DZIP1L: variants seen among roughly 807,000 people sequenced by gnomAD.
DZIP1L encodes the protein cilium assembly protein DZIP1L.
A neutral mutation model predicts 88.7 loss-of-function variants in DZIP1L; 90 were observed. The observed-to-expected ratio is 1.02, with a 90% CI of 0.86 to 1.21. DZIP1L has a LOEUF of 1.21. DZIP1L is among the 50% of genes most tolerant of loss of function. The pLI is 0.00. For missense variants in DZIP1L, 932 were observed against 955.8 expected (o/e 0.98, Z 0.33); for synonymous variants, 363 against 372.1 (o/e 0.98, Z 0.28).
chr3:138,106,127 C>CTTTTT lies in DZIP1L; in HGVS notation c.-81-2080_-81-2076dup, dbSNP rs56146259. Among the ~76,000 whole-genome samples the CTTTTT allele has an allele frequency of 2.9e-3, 187 of 64,556 alleles. 2 individuals are homozygous for CTTTTT. The highest frequency in any genetic ancestry group is 3.9e-3 in the Non-Finnish European group (139 of 35,956). The allele number at this position is 64,556 out of a possible 152,430, so 42.4% of individuals were successfully genotyped here. A position where few individuals can be genotyped will look rare whatever the true frequency, so the allele number is the denominator to read the frequency against. ...GAGATTACATGATTCAGTCTTCTTT[C>CTTTTT]TTTTTTTTTTTTTTTTTTTTTTTTT... On this transcript the variant is annotated intron_variant, in intron 1 of 15. Transcript: ENST00000327532.
intron 1 of DZIP1L, among the ~76,000 whole-genome samples, chr3:138,110,475 AAAATAAAT>A: frequency 6.6e-6 from 1 of 152,254 alleles, no homozygotes; most frequent in African/African-American, 2.4e-5. Context: ...TTCCCACAAT[AAAATAAAT>A]AAATAAATAA....
chr3:138,068,623 T>A (rs11921619), intron 12 of DZIP1L, among the ~76,000 whole-genome samples: 9,118 of 152,172 alleles, frequency 0.06, 931 homozygotes, highest in African/African-American at 0.21. Flanking sequence ...TTGTCATTAC[T>A]GAAGACCAGC....
At chr3:138,100,030 C>G (rs934415648) in intron 2 of DZIP1L, among the ~76,000 whole-genome samples, 2 of 144,202 alleles carry the variant, frequency 1.4e-5, no homozygotes, top group African/African-American at 5.1e-5. Context: ...AACCCCCATC[C>G]TTTTTTTTTT....
At chr3:138,111,851 TG>T (rs2042625500) in intron 1 of DZIP1L, among the ~76,000 whole-genome samples, 1 of 151,866 alleles carries the variant, frequency 6.6e-6, no homozygotes, top group African/African-American at 2.4e-5. Flanking sequence ...AAAAATTAGC[TG>T]GGCATGGTGG....
intron 2 of DZIP1L, chr3:138,102,526 G>A (rs329381): frequency 0.68 from 915,799 of 1,350,054 alleles, 315,179 homozygotes; most frequent in Non-Finnish European, 0.71. Flanking sequence ...ACTCTGAGCC[G>A]TCTTCTGCTG....
chr3:138,077,621 A>T lies in DZIP1L; in HGVS notation c.1300T>A (p.Ser434Thr), dbSNP rs755874292. Residue 434 changes from serine to threonine, a missense_variant, in exon 11 of 16, where the codon TCC (serine) becomes ACC (threonine). Physicochemically the swap from Ser to Thr is moderately conservative, Grantham distance 58. Transcript: ENST00000327532. ...AGCACCTTGTGCTGTTCATCCTGGG[A>T]GTCCTCCATCTCTGTAGCATGAGAC... ...EDSPEEEMEDSQDEQHKVLAA... is the reference protein window; with the variant it reads ...EDSPEEEMEDTQDEQHKVLAA... The T allele has an allele frequency of 7.4e-6, 12 of 1,613,998 alleles. No homozygotes were observed. The highest frequency in any genetic ancestry group is 1.0e-5 in the Non-Finnish European group (12 of 1,180,012).
At chr3:138,111,110 C>A (rs1196896219) in intron 1 of DZIP1L, among the ~76,000 whole-genome samples, 1 of 152,214 alleles carries the variant, frequency 6.6e-6, no homozygotes, top group Non-Finnish European at 1.5e-5. Context: ...GAGACCATGG[C>A]TTATTCGTAT....
rs442800 is a variant in DZIP1L, at chr3:138,067,600, T to C, written c.1933A>G (p.Lys645Glu). The change falls in exon 14 of 16, where the codon AAG (lysine) becomes GAG (glutamate). Residue 645 changes from lysine (K) to glutamate (E), a missense_variant. Lys to Glu is a moderately conservative substitution (Grantham distance 56, BLOSUM62 1). Transcript: ENST00000327532. ...KVPSRMVPRP[K>E]DDWDWSDTET... ...GTGTCAGACCAGTCCCAGTCATCCTTGGGCCGGGGCACCATCCTGGAAGGA... is the reference window on the plus strand; with the variant it reads ...GTGTCAGACCAGTCCCAGTCATCCTCGGGCCGGGGCACCATCCTGGAAGGA... 0.68 allele frequency: 1,103,505 copies of C among 1,611,200 alleles called. 383,868 individuals are homozygous for C. The highest frequency in any genetic ancestry group is 0.72 in the Non-Finnish European group (844,163 of 1,178,748).
Position 138,103,891 on chromosome 3 carries a change from C to T in DZIP1L, c.81G>A (p.Gln27=). The part of the protein sequence containing the change: ...GAYTFPTFKF[Q]PRHDSMDWRR... ...TCCAGTCCATGCTATCATGGCGAGG[C>T]TGAAACTTGAAGGTGGGGAACGTGT... Residue 27 remains glutamine, a synonymous_variant, in exon 2 of 16, where the codon CAG becomes CAA. Coordinates refer to ENST00000327532, the MANE Select transcript of DZIP1L (RefSeq NM_173543.3). The T allele has an allele frequency of 6.2e-7, 1 of 1,613,958 alleles. No homozygotes were observed. Among genetic ancestry groups the T allele is most frequent in the African/African-American group, 1.3e-5 (1 of 75,080 alleles).
chr3:138,070,576 C>T (rs1236255906), intron 12 of DZIP1L, among the ~76,000 whole-genome samples: 1 of 152,020 alleles, frequency 6.6e-6, no homozygotes, highest in Non-Finnish European at 1.5e-5. Context: ...CACAGGATTG[C>T]TATGTTAGTC....
intron 15 of DZIP1L, 42 bp downstream of exon 15, chr3:138,064,586 G>T: frequency 6.2e-7 from 1 of 1,614,026 alleles, no homozygotes; most frequent in Non-Finnish European, 8.5e-7. Flanking sequence ...AGCTGGTTCT[G>T]TAGAGAATTC....
intron 7 of DZIP1L, among the ~76,000 whole-genome samples, chr3:138,086,616 A>G (rs1297154213): frequency 6.6e-6 from 1 of 152,182 alleles, no homozygotes; most frequent in Non-Finnish European, 1.5e-5. Context: ...TTCAAAGAAG[A>G]GCCCAAACGT....
intron 9 of DZIP1L, among the ~76,000 whole-genome samples, chr3:138,081,476 A>G (rs1322332862): frequency 6.6e-6 from 1 of 152,140 alleles, no homozygotes; most frequent in Non-Finnish European, 1.5e-5. Flanking sequence ...CACTCCACCC[A>G]TAACCACCCT....
Position 138,087,041 on chromosome 3 carries a change from C to G in DZIP1L, c.1000-18G>C. The G allele has an allele frequency of 1.2e-6, 2 of 1,613,346 alleles. No individual in the cohort carries two copies. ...TCCGTTTTCTGAAAAAGATTAAAAG[C>G]TTATCAAATGGGCCCTTGCAGGTAT... On this transcript the variant is annotated intron_variant, in intron 6 of 15. Transcript: ENST00000327532.
At position 138,068,272 on chromosome 3, in the gene DZIP1L, G is replaced by T; in HGVS notation, c.1711C>A (p.Pro571Thr). Residue 571 changes from proline to threonine, a missense_variant, in exon 13 of 16, where the codon CCA (proline) becomes ACA (threonine). By Grantham distance (38) the Pro-to-Thr change is conservative. Transcript: ENST00000327532. Reference protein sequence around the residue: ...ALPSTPAEPPPPTRQSHGSHG... With the variant: ...ALPSTPAEPPTPTRQSHGSHG... The stretch of plus-strand genomic sequence containing the variant: ...CTGCCATGGCTCTGACGAGTTGGTG[G>T]GGGTGGCTCTGCCGGTGTGGATGGC... The T allele has an allele frequency of 1.3e-6, 2 of 1,599,218 alleles. No homozygotes were observed.
intron 12 of DZIP1L, among the ~76,000 whole-genome samples, chr3:138,069,448 C>T (rs891202169): frequency 6.6e-6 from 1 of 152,106 alleles, no homozygotes; most frequent in Non-Finnish European, 1.5e-5. Context: ...GGGGGGTTTG[C>T]GCCCCTGACC....
intron 2 of DZIP1L, chr3:138,101,874 C>G (rs1251128402): frequency 5.0e-6 from 7 of 1,403,974 alleles, no homozygotes; most frequent in African/African-American, 4.2e-5. Context: ...CCAGCTCGGA[C>G]AGCTTGGCGT....
Position 138,103,455 on chromosome 3 carries a change from GGT to G in DZIP1L, c.501+14_501+15del. ...CACAGCCCTCCCACTCTCCCTGCCT[GGT>G]GGAGATTCCTCACCGTGTGGTAGCT... On this transcript the variant is annotated intron_variant, in intron 2 of 15. Transcript: ENST00000327532. 6.3e-7 allele frequency: 1 copy of G among 1,583,626 alleles called. No homozygotes were observed. Among genetic ancestry groups the G allele is most frequent in the Non-Finnish European group, 8.6e-7 (1 of 1,162,638 alleles).
intron 11 of DZIP1L, 135 bp from the exon 12 acceptor site, chr3:138,071,970 C>T: frequency 1.2e-6 from 1 of 849,962 alleles, no homozygotes. Flanking sequence ...GACTGGGGGG[C>T]ATGAAATGAG....
Sources: allele counts gnomAD v4.1 joint callset (sites outside exome capture counted in the v4.1 genomes callset), GRCh38; gene constraint gnomAD v4.1.1; transcripts MANE v1.5; gene names NCBI Gene and HGNC (gene_info 2026-07-23, HGNC 2026-07-21).